ABTB2: variants seen among roughly 807,000 people sequenced by gnomAD.
The protein encoded by ABTB2 is ankyrin repeat and BTB domain containing 2, also known as ankyrin repeat and BTB/POZ domain-containing protein 2.
ABTB2 carries 56 observed loss-of-function variants against 104.1 expected under a neutral mutation model. The ratio of observed to expected loss-of-function variants is 0.54; its 90% CI spans 0.43 to 0.67. ABTB2 has a LOEUF of 0.67. Ranked by LOEUF, ABTB2 falls within the 30% of genes least tolerant of loss-of-function variation. ABTB2 has a pLI of 0.00. For synonymous variants in ABTB2, 606 were observed against 608.2 expected (o/e 1.00, Z 0.05); for missense variants, 1,279 against 1,407.7 (o/e 0.91, Z 1.46).
At chr11:34,332,572 T>C (rs1371683149) in intron 1 of ABTB2, among the ~76,000 whole-genome samples, 2 of 152,120 alleles carry the variant, frequency 1.3e-5, no homozygotes, top group Non-Finnish European at 2.9e-5. Context: ...CTAGAAAAAC[T>C]GGCTCCTCCA....
chr11:34,276,096 C>A (rs968339666), intron 1 of ABTB2, among the ~76,000 whole-genome samples: 2 of 151,986 alleles, frequency 1.3e-5, no homozygotes, highest in African/African-American at 4.8e-5. Context: ...TTTGAATTGA[C>A]AACTCAGGGG....
intron 1 of ABTB2, among the ~76,000 whole-genome samples, chr11:34,289,405 C>T (rs1366084691): frequency 6.6e-6 from 1 of 152,184 alleles, no homozygotes; most frequent in East Asian, 1.9e-4. Context: ...ATGCACTGGG[C>T]ACTGTGCTAA....
In ABTB2 at chr11:34,317,783, A is replaced by G. The variant is rs549421109; in HGVS notation, c.883+38918T>C. 2.3e-3 allele frequency among the ~76,000 whole-genome samples: 331 copies of G among 142,610 alleles called. 1 individual carries two copies. The highest frequency in any genetic ancestry group is 8.0e-3 in the African/African-American group (313 of 39,278). The allele number at this position is 142,610 out of a possible 152,430, so 93.6% of individuals were successfully genotyped here. A position where few individuals can be genotyped will look rare whatever the true frequency, so the allele number is the denominator to read the frequency against. ...TCTCAAAAAAAAAAAAAAAAAATTA[A>G]TAACGGCTTTTTAAAAAAATTTCAG... On this transcript the variant is annotated intron_variant, in intron 1 of 16. Coordinates refer to ENST00000435224, the MANE Select transcript of ABTB2 (RefSeq NM_145804.3).
intron 1 of ABTB2, among the ~76,000 whole-genome samples, chr11:34,276,612 G>A (rs1399465624): frequency 6.6e-6 from 1 of 152,136 alleles, no homozygotes; most frequent in Non-Finnish European, 1.5e-5. Flanking sequence ...TCAAGTATGG[G>A]TTTCAATATT....
intron 1 of ABTB2, among the ~76,000 whole-genome samples, chr11:34,221,033 G>A (rs999114566): frequency 2.6e-5 from 4 of 151,540 alleles, no homozygotes; most frequent in Admixed American, 6.6e-5. Flanking sequence ...GGACTGGTGC[G>A]ATCTTGGCTC....
intron 1 of ABTB2, among the ~76,000 whole-genome samples, chr11:34,269,585 A>G (rs956879413): frequency 1.3e-5 from 2 of 152,258 alleles, no homozygotes; most frequent in African/African-American, 4.8e-5. Flanking sequence ...AAGAGCAGCC[A>G]CAGACAACTT....
chr11:34,306,124 G>A (rs1854767593), intron 1 of ABTB2, among the ~76,000 whole-genome samples: 1 of 151,722 alleles, frequency 6.6e-6, no homozygotes, highest in Non-Finnish European at 1.5e-5. Context: ...GGTATTTACA[G>A]GTCTCAGCAC....
intron 1 of ABTB2, among the ~76,000 whole-genome samples, chr11:34,273,033 T>C (rs1178638621): frequency 6.6e-6 from 1 of 152,178 alleles, no homozygotes; most frequent in African/African-American, 2.4e-5. Flanking sequence ...ACTTAATATA[T>C]ATAAAGTACT....
At chr11:34,324,802 G>A (rs1855048587) in intron 1 of ABTB2, among the ~76,000 whole-genome samples, 1 of 152,126 alleles carries the variant, frequency 6.6e-6, no homozygotes, top group African/African-American at 2.4e-5. Context: ...TTTCTGCCAA[G>A]AAAGCACAAA....
At chr11:34,281,576 C>G (rs907307488) in intron 1 of ABTB2, among the ~76,000 whole-genome samples, 52 of 152,218 alleles carry the variant, frequency 3.4e-4, no homozygotes, top group African/African-American at 1.3e-3. Flanking sequence ...TCCCGCTGGG[C>G]AGGGCAATGA....
intron 1 of ABTB2, among the ~76,000 whole-genome samples, chr11:34,261,495 CTTT>C (rs34242736): frequency 2.2e-4 from 32 of 146,338 alleles, no homozygotes; most frequent in African/African-American, 5.4e-4. Flanking sequence ...TAAAAAAGTA[CTTT>C]TTTTTTTTTT....
At chr11:34,344,894 C>T (rs1032196070) in intron 1 of ABTB2, among the ~76,000 whole-genome samples, 3 of 152,134 alleles carry the variant, frequency 2.0e-5, no homozygotes, top group African/African-American at 7.2e-5. Flanking sequence ...CAGCTTTCCC[C>T]ACTTCAGTCA....
At chr11:34,275,882 TCCCACAG>T (rs1378816023) in intron 1 of ABTB2, among the ~76,000 whole-genome samples, 4 of 152,214 alleles carry the variant, frequency 2.6e-5, no homozygotes, top group Non-Finnish European at 5.9e-5. Flanking sequence ...AGTCCTGTGA[TCCCACAG>T]GTGGAAGAGG....
chr11:34,300,036 G>A (rs569505704), intron 1 of ABTB2, among the ~76,000 whole-genome samples: 17 of 152,268 alleles, frequency 1.1e-4, no homozygotes, highest in Non-Finnish European at 2.1e-4. Context: ...TGCCTCCTAC[G>A]CTTGGTGGGG....
At chr11:34,274,443 A>G (rs1162807459) in intron 1 of ABTB2, among the ~76,000 whole-genome samples, 2 of 151,932 alleles carry the variant, frequency 1.3e-5, no homozygotes, top group Non-Finnish European at 2.9e-5. Context: ...AGTTCCTCTC[A>G]CCTGGACTCT....
intron 3 of ABTB2, among the ~76,000 whole-genome samples, chr11:34,178,901 C>T (rs1387324457): frequency 6.6e-6 from 1 of 152,010 alleles, no homozygotes; most frequent in Admixed American, 6.6e-5. Context: ...CTTGGCAAAA[C>T]CCCATCTCTA....
At chr11:34,174,154 C>G (rs1354293659) in intron 3 of ABTB2, among the ~76,000 whole-genome samples, 1 of 151,918 alleles carries the variant, frequency 6.6e-6, no homozygotes, top group African/African-American at 2.4e-5. Flanking sequence ...CTAACACAGT[C>G]TCTGTTAAAA....
At chr11:34,335,452 T>G (rs879044295) in intron 1 of ABTB2, 5 of 786,356 alleles carry the variant, frequency 6.4e-6, no homozygotes, top group Non-Finnish European at 1.1e-5. Context: ...ACAGTCATAT[T>G]ATTCTTAGTT....
intron 3 of ABTB2, among the ~76,000 whole-genome samples, chr11:34,175,063 AG>A (rs1244997123): frequency 6.6e-6 from 1 of 152,216 alleles, no homozygotes; most frequent in Non-Finnish European, 1.5e-5. Flanking sequence ...TGCTCCCGCC[AG>A]GGAAAAGATG....
Sources: allele counts gnomAD v4.1 joint callset (sites outside exome capture counted in the v4.1 genomes callset), GRCh38; gene constraint gnomAD v4.1.1; transcripts MANE v1.5; gene names NCBI Gene and HGNC (gene_info 2026-07-23, HGNC 2026-07-21).